Variants in TNRC6B observed in about 807,000 individuals in gnomAD.
TNRC6B encodes trinucleotide repeat containing adaptor 6B, also known as trinucleotide repeat-containing gene 6B protein.
A neutral mutation model predicts 203.6 loss-of-function variants in TNRC6B; 52 were observed. That is an observed-to-expected ratio of 0.26 (90% confidence interval 0.20 to 0.32). TNRC6B has a LOEUF of 0.32. Ranked by LOEUF, TNRC6B falls within the 10% of genes least tolerant of loss-of-function variation. The probability of loss-of-function intolerance (pLI) is 1.00; values close to 1 mark genes in which losing one functional copy is unlikely to be tolerated. For synonymous variants in TNRC6B, 838 were observed against 845.7 expected (o/e 0.99, Z 0.16); for missense variants, 1,923 against 2,286.2 (o/e 0.84, Z 3.24).
intron 18 of TNRC6B, 87 bp from the exon 19 acceptor site, chr22:40,312,815 T>G: frequency 6.8e-7 from 1 of 1,478,028 alleles, no homozygotes; most frequent in Non-Finnish European, 9.4e-7. Flanking sequence ...TCCATTCTAT[T>G]GAAGTTTAAA....
chr22:40,182,807 G>C (rs557685298), intron 1 of TNRC6B, among the ~76,000 whole-genome samples: 1 of 152,308 alleles, frequency 6.6e-6, no homozygotes, highest in Non-Finnish European at 1.5e-5. Context: ...GGTTTGACTT[G>C]ATAGTCACTT....
chr22:40,238,061 G>A (rs1232274390), intron 1 of TNRC6B, among the ~76,000 whole-genome samples: 1 of 152,052 alleles, frequency 6.6e-6, no homozygotes, highest in Non-Finnish European at 1.5e-5. Flanking sequence ...CATCTCCCCC[G>A]GGAGGGTAGA....
chr22:40,106,400 T>A lies in TNRC6B; in HGVS notation c.-120-10655T>A, dbSNP rs1324787338. 3 of 1,156,282 alleles carry A rather than the reference T, an allele frequency of 2.6e-6. No homozygotes were observed. The African/African-American group carries it at 4.6e-5, about 18-fold the overall frequency. 71.6% of individuals were successfully genotyped at this position (1,156,282 alleles called of 1,614,324 possible). On this transcript the variant is annotated intron_variant, in intron 1 of 23. Coordinates refer to the TNRC6B transcript ENST00000301923. Reference sequence around the variant, plus strand: ...CACCTTCTACAAAATGGGTGGTCTTTTTCTTCATTCTGCCTCATGGAGAAG... The same window carrying A: ...CACCTTCTACAAAATGGGTGGTCTTATTCTTCATTCTGCCTCATGGAGAAG...
chr22:40,161,729 T>A (rs1218688863), intron 4 of TNRC6B, among the ~76,000 whole-genome samples: 1 of 152,238 alleles, frequency 6.6e-6, no homozygotes, highest in Admixed American at 6.5e-5. Flanking sequence ...GTAAACACTT[T>A]ATGTGTATTG....
At chr22:40,079,110 G>A (rs749182430) in intron 1 of TNRC6B, among the ~76,000 whole-genome samples, 4 of 151,538 alleles carry the variant, frequency 2.6e-5, no homozygotes, top group Non-Finnish European at 5.9e-5. Flanking sequence ...ACAGGGTTTC[G>A]CCGTGTTGCC....
chr22:40,252,317 T>A (rs935019395), intron 3 of TNRC6B, among the ~76,000 whole-genome samples: 7 of 152,228 alleles, frequency 4.6e-5, no homozygotes, highest in African/African-American at 1.7e-4. Context: ...TAGTTGAGAA[T>A]CACTGCCTTA....
In TNRC6B at chr22:40,265,178, A is replaced by G. The variant is rs192386507; in HGVS notation, c.948A>G (p.Gln316=). Reference sequence around the variant, plus strand: ...CATCTGCCTGGCCAGCACTGGTCCAAGAAGGAACTTCTAGGAAAGGGGCAT... The same window carrying G: ...CATCTGCCTGGCCAGCACTGGTCCAGGAAGGAACTTCTAGGAAAGGGGCAT... The part of the protein sequence containing the change: ...SNPSAWPALV[Q]EGTSRKGALE... Residue 316 remains glutamine, a synonymous_variant, in exon 5 of 23, where the codon CAA becomes CAG. Coordinates refer to ENST00000454349, the MANE Select transcript of TNRC6B (RefSeq NM_001162501.2). 3 of 1,614,016 alleles carry G rather than the reference A, an allele frequency of 1.9e-6. No individual in the cohort carries two copies. Among genetic ancestry groups the G allele is most frequent in the East Asian group, 2.2e-5 (1 of 44,890 alleles).
Position 40,292,271 on chromosome 22 carries a change from T to C in TNRC6B, c.3708+6501T>C, listed in dbSNP as rs8141102. 8.0e-3 allele frequency among the ~76,000 whole-genome samples: 1,207 copies of C among 151,540 alleles called. 12 individuals carry two copies. The highest frequency in any genetic ancestry group is 0.027 in the African/African-American group (1,114 of 41,242). On this transcript the variant is annotated intron_variant, in intron 12 of 22. Transcript: ENST00000454349. ...AGGAGGCTGAGGCAGGAGAATCGCT[T>C]GAACCCAGGAGGTGGAGGTTGCAGT...
intron 1 of TNRC6B, among the ~76,000 whole-genome samples, chr22:40,235,528 C>T (rs981286035): frequency 1.3e-5 from 2 of 152,146 alleles, no homozygotes; most frequent in African/African-American, 4.8e-5. Flanking sequence ...AAATCACATC[C>T]CCATCTCTAA....
chr22:40,306,905 T>A lies in TNRC6B; in HGVS notation c.4121-1607T>A, dbSNP rs573909171. On this transcript the variant is annotated intron_variant, in intron 15 of 22. Coordinates refer to ENST00000454349, the MANE Select transcript of TNRC6B (RefSeq NM_001162501.2). ...CAGGAGGCTGAGGCAGGAGAATTGC[T>A]TGAACCCAGGAGGCGGAGGTTGCTG... Among the ~76,000 whole-genome samples the A allele has an allele frequency of 1.3e-3, 192 of 152,272 alleles. 4 individuals carry two copies. The South Asian group carries it at 0.013, about 10-fold the overall frequency.
At chr22:40,058,294 G>T (rs1286291982) in intron 1 of TNRC6B, among the ~76,000 whole-genome samples, 4 of 152,202 alleles carry the variant, frequency 2.6e-5, no homozygotes, top group Admixed American at 2.6e-4. Flanking sequence ...AAGAGAAGAA[G>T]AATGAATGAA....
intron 3 of TNRC6B, among the ~76,000 whole-genome samples, chr22:40,152,972 C>T (rs1346235134): frequency 6.6e-6 from 1 of 151,710 alleles, no homozygotes; most frequent in African/African-American, 2.4e-5. Flanking sequence ...TGTAGTGGCA[C>T]ACATCTGTAG....
chr22:40,163,151 C>T (rs777515871), intron 4 of TNRC6B, among the ~76,000 whole-genome samples: 2 of 151,838 alleles, frequency 1.3e-5, no homozygotes, highest in East Asian at 1.9e-4. Flanking sequence ...TGGTGGCTCA[C>T]GCCTGTAATC....
At position 40,310,856 on chromosome 22, in the gene TNRC6B, C is replaced by T. The variant is rs2071168594; in HGVS notation, c.4298C>T (p.Pro1433Leu). Reference sequence around the variant, plus strand: ...CCTGGTAAAACCCGGGGAGGGTCACCGTACAACCAGTTTGATATCATCCCT... The same window carrying T: ...CCTGGTAAAACCCGGGGAGGGTCACTGTACAACCAGTTTGATATCATCCCT... ...VAPGKTRGGS[P>L]YNQFDIIPGD... The change falls in exon 17 of 23, where the codon CCG (proline) becomes CTG (leucine). Residue 1433 changes from proline (P) to leucine (L), a missense_variant. Physicochemically the swap from Pro to Leu is moderately conservative, Grantham distance 98. Coordinates refer to ENST00000454349, the MANE Select transcript of TNRC6B (RefSeq NM_001162501.2). 4 of 1,612,738 alleles carry T rather than the reference C, an allele frequency of 2.5e-6. No homozygotes were observed. The highest frequency in any genetic ancestry group is 3.4e-6 in the Non-Finnish European group (4 of 1,179,490).
chr22:40,314,266 C>T (rs1370674835), intron 19 of TNRC6B, among the ~76,000 whole-genome samples: 1 of 152,164 alleles, frequency 6.6e-6, no homozygotes, highest in African/African-American at 2.4e-5. Context: ...TACAAAACCT[C>T]AGTATTTTCT....
chr22:40,263,888 G>C (rs1179312436), intron 4 of TNRC6B, among the ~76,000 whole-genome samples: 1 of 152,198 alleles, frequency 6.6e-6, no homozygotes, highest in Non-Finnish European at 1.5e-5. Flanking sequence ...GAATTCTAAC[G>C]TTAGCAAGTT....
intron 21 of TNRC6B, among the ~76,000 whole-genome samples, chr22:40,317,347 A>G (rs2071273280): frequency 6.6e-6 from 1 of 152,318 alleles, no homozygotes; most frequent in Admixed American, 6.5e-5. Flanking sequence ...TGGGAGGCCA[A>G]GGTGGATGGA....
chr22:40,286,084 A>AT (rs1367951782), intron 12 of TNRC6B, among the ~76,000 whole-genome samples: 2 of 152,196 alleles, frequency 1.3e-5, no homozygotes, highest in African/African-American at 4.8e-5. Context: ...TTCTAACTAT[A>AT]TTTTTTGAAA....
chr22:40,045,056 G>C lies in TNRC6B; in HGVS notation c.-121+58G>C, dbSNP rs372982569. On this transcript the variant is annotated intron_variant, in intron 1 of 23. Coordinates refer to the TNRC6B transcript ENST00000301923. ...CCCTCCCCCGCGCCCCGCCGGGACG[G>C]AGCGGGGCGGCCGGGGGTCGGCGAG... 1.4e-4 allele frequency: 21 copies of C among 146,330 alleles called. No individual in the cohort carries two copies. In the East Asian group the frequency reaches 3.6e-3, roughly 25 times the overall value. The allele number at this position is 146,330 out of a possible 1,614,324, so 9.1% of individuals were successfully genotyped here. A position where few individuals can be genotyped will look rare whatever the true frequency, so the allele number is the denominator to read the frequency against.
Sources: allele counts gnomAD v4.1 joint callset (sites outside exome capture counted in the v4.1 genomes callset), GRCh38; gene constraint gnomAD v4.1.1; transcripts MANE v1.5; gene names NCBI Gene and HGNC (gene_info 2026-07-23, HGNC 2026-07-21).